BARX1: variants seen among roughly 807,000 people sequenced by gnomAD.
The protein encoded by BARX1 is homeobox protein BarH-like 1.
A neutral mutation model predicts 19.6 loss-of-function variants in BARX1; 10 were observed. That is an observed-to-expected ratio of 0.51 (90% CI 0.31 to 0.86). The LOEUF (loss-of-function observed/expected upper bound fraction) is 0.86. BARX1 is among the 40% of genes least tolerant of loss of function. The pLI, the probability that BARX1 is intolerant of heterozygous loss-of-function variation, is 0.04. For synonymous variants in BARX1, 177 were observed against 170.0 expected (o/e 1.04, Z -0.32); for missense variants, 309 against 360.4 (o/e 0.86, Z 1.15).
Position 93,955,201 on chromosome 9 carries a change from C to T in BARX1, c.-55G>A, listed in dbSNP as rs2118190942. 1 of 901,404 alleles carries T rather than the reference C, an allele frequency of 1.1e-6. No homozygotes were observed. The highest frequency in any genetic ancestry group is 1.3e-6 in the Non-Finnish European group (1 of 755,810). The allele number at this position is 901,404 out of a possible 1,614,324, so 55.8% of individuals were successfully genotyped here. The stretch of plus-strand genomic sequence containing the variant: ...GGCGGCGGCGGCGGCGACGGCTTGG[C>T]TCCGGCGCGGGGCCCGCGCGGGGCT... On this transcript the variant is annotated 5_prime_UTR_variant, in exon 1 of 4. Transcript: ENST00000253968. The surrounding 1 kb of genome is among the most constrained non-coding windows in gnomAD (Gnocchi z 4.4).
Position 93,955,186 on chromosome 9 carries a change from G to GCGGCGA in BARX1, c.-46_-41dup, listed in dbSNP as rs1476565466. ...CTGCGCCCGCGGTTTGGCGGCGGCG[G>GCGGCGA]CGGCGACGGCTTGGCTCCGGCGCGG... On this transcript the variant is annotated 5_prime_UTR_variant, in exon 1 of 4. Coordinates refer to ENST00000253968, the MANE Select transcript of BARX1 (RefSeq NM_021570.4). This position sits in a 1 kb window ranked among gnomAD's most constrained non-coding sequence, Gnocchi z 4.4. The GCGGCGA allele has an allele frequency of 1.0e-6, 1 of 957,476 alleles. No homozygotes were observed. Among genetic ancestry groups the GCGGCGA allele is most frequent in the African/African-American group, 1.8e-5 (1 of 56,104 alleles). 59.3% of individuals were successfully genotyped at this position (957,476 alleles called of 1,614,324 possible).
In BARX1 at chr9:93,952,479, T is replaced by TGCCGCCTGGGGAGCGGC. The variant is rs1829114138; in HGVS notation, c.601-168_601-152dup. 7 of 1,295,524 alleles carry TGCCGCCTGGGGAGCGGC rather than the reference T, an allele frequency of 5.4e-6. No individual in the cohort carries two copies. In the South Asian group the frequency reaches 8.9e-5, roughly 17 times the overall value. The allele number at this position is 1,295,524 out of a possible 1,614,324, so 80.3% of individuals were successfully genotyped here. A position where few individuals can be genotyped will look rare whatever the true frequency, so the allele number is the denominator to read the frequency against. On this transcript the variant is annotated intron_variant, in intron 3 of 3. Transcript: ENST00000253968. ...GGGAAATGGCGGCCATTTGTCCAAA[T>TGCCGCCTGGGGAGCGGC]GCCGCCTGGGGAGCGGCCCGGCCTG...
intron 3 of BARX1, 38 bp downstream of exon 3, chr9:93,952,691 A>C (rs1338752012): frequency 2.5e-6 from 4 of 1,591,772 alleles, no homozygotes; most frequent in South Asian, 2.2e-5. Flanking sequence ...GGCATGGCCC[A>C]GGAAGCTGAG....
Position 93,953,011 on chromosome 9 carries a change from C to T in BARX1, c.400G>A (p.Glu134Lys). ...CCCTTCTTGGCTTTGGTGCCTGGCT[C>T]CCCAGGGCCTGCCGCCTCCAGCTTC... The part of the protein sequence containing the change: ...RGKLEAAGPG[E>K]PGTKAKKGRR... Residue 134 changes from glutamate to lysine, a missense_variant, in exon 2 of 4, where the codon GAG becomes AAG. By Grantham distance (56) the Glu-to-Lys change is moderately conservative (BLOSUM62 1). Transcript: ENST00000253968. The T allele has an allele frequency of 1.3e-6, 2 of 1,573,954 alleles. No individual in the cohort carries two copies. Among genetic ancestry groups the T allele is most frequent in the Non-Finnish European group, 1.7e-6 (2 of 1,160,304 alleles).
At chr9:93,952,857 C>T (rs371337284) in intron 2 of BARX1, 39 bp downstream of exon 2, 7 of 1,613,420 alleles carry the variant, frequency 4.3e-6, no homozygotes, top group Non-Finnish European at 5.9e-6. Context: ...AGTGACCACA[C>T]TCCCACAGCC....
Position 93,952,232 on chromosome 9 carries a change from G to T in BARX1, c.697C>A (p.Arg233Ser), listed in dbSNP as rs972503300. ...GCCGGTTTCTCTGCATCCTTGGCGCGCTCCTGCTCAGTAAGCTGCTCGCTC... is the reference window on the plus strand; with the variant it reads ...GCCGGTTTCTCTGCATCCTTGGCGCTCTCCTGCTCAGTAAGCTGCTCGCTC... ...PTSEQLTEQE[R>S]AKDAEKPAEV... Residue 233 changes from arginine (R) to serine (S), a missense_variant, in exon 4 of 4, where the codon CGC becomes AGC. Physicochemically the swap from Arg to Ser is moderately radical, Grantham distance 110. This residue lies in a region of BARX1 where 71 missense variants were observed against 80.4 expected (regional missense o/e 0.88). Coordinates refer to ENST00000253968, the MANE Select transcript of BARX1 (RefSeq NM_021570.4). The T allele has an allele frequency of 6.2e-7, 1 of 1,611,914 alleles. No homozygotes were observed. The highest frequency in any genetic ancestry group is 2.2e-5 in the East Asian group (1 of 44,858).
intron 3 of BARX1, 29 bp from the exon 4 acceptor site, chr9:93,952,357 G>T (rs201537011): frequency 1.3e-6 from 2 of 1,596,566 alleles, no homozygotes; most frequent in East Asian, 4.5e-5. Context: ...GCACCTGGGT[G>T]AGCCAGCACG....
Position 93,952,973 on chromosome 9 carries a change from G to A in BARX1, c.438C>T (p.Arg146=). The change falls in exon 2 of 4, where the codon CGC becomes CGT. Residue 146 remains arginine (R), a synonymous_variant. Transcript: ENST00000253968. Reference sequence around the variant, plus strand: ...TCAGCTGCAGCTCGGTGAACACAGTGCGGCTCCGACGCCCCTTCTTGGCTT... The same window carrying A: ...TCAGCTGCAGCTCGGTGAACACAGTACGGCTCCGACGCCCCTTCTTGGCTT... ...GTKAKKGRRS[R]TVFTELQLMG... is the part of the protein sequence containing the mutation. 4 of 1,569,878 alleles carry A rather than the reference G, an allele frequency of 2.5e-6. No individual in the cohort carries two copies. Among genetic ancestry groups the A allele is most frequent in the Non-Finnish European group, 3.5e-6 (4 of 1,157,712 alleles).
Position 93,953,162 on chromosome 9 carries a change from C to G in BARX1, c.249G>C (p.Ala83=). 6.5e-7 allele frequency: 1 copy of G among 1,527,686 alleles called. No individual in the cohort carries two copies. The highest frequency in any genetic ancestry group is 1.2e-5 in the South Asian group (1 of 81,380). 94.6% of individuals were successfully genotyped at this position (1,527,686 alleles called of 1,614,324 possible). ...HLAVLKAEQA[A]VFKFPLAPLG... ...GCGGCGCCAGTGGGAACTTGAACAC[C>G]GCCGCCTGCTCGGCCTTCAGCACGG... The change falls in exon 2 of 4, where the codon GCG becomes GCC. Residue 83 remains alanine, a synonymous_variant. Coordinates refer to ENST00000253968, the MANE Select transcript of BARX1 (RefSeq NM_021570.4).
At position 93,952,928 on chromosome 9, in the gene BARX1, G is replaced by A. The variant is rs751109837; in HGVS notation, c.483C>T (p.Phe161=). The change falls in exon 2 of 4, where the codon TTC becomes TTT. Residue 161 remains phenylalanine (F), a synonymous_variant. Coordinates refer to ENST00000253968, the MANE Select transcript of BARX1 (RefSeq NM_021570.4). ...GCGTGGAAAGGTACTTCTGCTTCTCGAAGCGTTTCTCCAGGCCCATCAGCT... is the reference window on the plus strand; with the variant it reads ...GCGTGGAAAGGTACTTCTGCTTCTCAAAGCGTTTCTCCAGGCCCATCAGCT... ...ELQLMGLEKR[F]EKQKYLSTPD... 1 of 1,582,028 alleles carries A rather than the reference G, an allele frequency of 6.3e-7. No individual in the cohort carries two copies. The highest frequency in any genetic ancestry group is 1.1e-5 in the South Asian group (1 of 87,396).
rs1284823073 is a variant in BARX1 at position 93,954,811 on chromosome 9, A to C, written c.223+113T>G. 24 of 728,972 alleles carry C rather than the reference A, an allele frequency of 3.3e-5. 1 individual carries two copies. In the East Asian group the frequency reaches 8.7e-4, roughly 26 times the overall value. The allele number at this position is 728,972 out of a possible 1,614,324, so 45.2% of individuals were successfully genotyped here. ...AGACGGTCCCAGAACCTGCGCTCCC[A>C]GAGCAGCTTCCCGGGGCTGCTTCGA... On this transcript the variant is annotated intron_variant, in intron 1 of 3. Transcript: ENST00000253968.
Position 93,953,017 on chromosome 9 carries a change from G to A in BARX1, c.394C>T (p.Pro132Ser), listed in dbSNP as rs1829120137. 1.3e-6 allele frequency: 2 copies of A among 1,573,990 alleles called. No homozygotes were observed. Among genetic ancestry groups the A allele is most frequent in the South Asian group, 2.3e-5 (2 of 86,436 alleles). ...QLRGKLEAAG[P>S]GEPGTKAKKG... ...TTGGCTTTGGTGCCTGGCTCCCCAG[G>A]GCCTGCCGCCTCCAGCTTCCCGCGG... The change falls in exon 2 of 4, where the codon CCT (proline) becomes TCT (serine). Residue 132 changes from proline to serine, a missense_variant. Pro to Ser is a moderately conservative substitution (Grantham distance 74). Around this residue, in one of 3 missense-constraint regions of BARX1, gnomAD observed 204 missense variants for 206.8 expected, o/e 0.99. Coordinates refer to ENST00000253968, the MANE Select transcript of BARX1 (RefSeq NM_021570.4).
At position 93,952,107 on chromosome 9, in the gene BARX1, C is replaced by T; in HGVS notation, c.*57G>A. The T allele has an allele frequency of 2.6e-6, 4 of 1,564,142 alleles. No homozygotes were observed. Among genetic ancestry groups the T allele is most frequent in the South Asian group, 1.1e-5 (1 of 87,622 alleles). ...GAAGGGCCGGCTCGCGGGTTTCCGC[C>T]GAGTGAGGGGGCTGCGGGTGGCGCG... On this transcript the variant is annotated 3_prime_UTR_variant, in exon 4 of 4. Transcript: ENST00000253968.
At position 93,955,230 on chromosome 9, in the gene BARX1, G is replaced by C; in HGVS notation, c.-84C>G. The stretch of plus-strand genomic sequence containing the variant: ...GGCGCGGGGCCCGCGCGGGGCTCTA[G>C]GCCGGCCCGCAGCTCGGGGCGGCGC... On this transcript the variant is annotated 5_prime_UTR_variant, in exon 1 of 4. Transcript: ENST00000253968. This position sits in a 1 kb window ranked among gnomAD's most constrained non-coding sequence, Gnocchi z 4.4. 1.6e-6 allele frequency: 1 copy of C among 624,654 alleles called. No homozygotes were observed. The highest frequency in any genetic ancestry group is 2.0e-6 in the Non-Finnish European group (1 of 504,074). 38.7% of individuals were successfully genotyped at this position (624,654 alleles called of 1,614,324 possible).
In BARX1 at chr9:93,952,107, C is replaced by A; in HGVS notation, c.*57G>T. The A allele has an allele frequency of 6.4e-7, 1 of 1,564,140 alleles. No homozygotes were observed. Among genetic ancestry groups the A allele is most frequent in the South Asian group, 1.1e-5 (1 of 87,622 alleles). ...GAAGGGCCGGCTCGCGGGTTTCCGC[C>A]GAGTGAGGGGGCTGCGGGTGGCGCG... On this transcript the variant is annotated 3_prime_UTR_variant, in exon 4 of 4. Coordinates refer to ENST00000253968, the MANE Select transcript of BARX1 (RefSeq NM_021570.4).
At chr9:93,952,678 C>T (rs374249420) in intron 3 of BARX1, 51 bp downstream of exon 3, 4 of 1,566,642 alleles carry the variant, frequency 2.6e-6, no homozygotes, top group African/African-American at 2.7e-5. Context: ...CTGCATGCAC[C>T]GGGGCATGGC....
chr9:93,954,958 C>A lies in BARX1; in HGVS notation c.189G>T (p.Ala63=). The A allele has an allele frequency of 7.3e-7, 1 of 1,378,434 alleles. No individual in the cohort carries two copies. Among genetic ancestry groups the A allele is most frequent in the Non-Finnish European group, 9.3e-7 (1 of 1,072,266 alleles). The allele number at this position is 1,378,434 out of a possible 1,614,324, so 85.4% of individuals were successfully genotyped here. A position where few individuals can be genotyped will look rare whatever the true frequency, so the allele number is the denominator to read the frequency against. ...TGTGGAAGGGCCGCGCCGCCAGCAG[C>A]GCCTGCACGCCGAACTTCAGCAGCT... ...AGELLKFGVQ[A]LLAARPFHSH... is the part of the protein sequence containing the mutation. The change falls in exon 1 of 4, where the codon GCG becomes GCT. Residue 63 remains alanine, a synonymous_variant. Coordinates refer to ENST00000253968, the MANE Select transcript of BARX1 (RefSeq NM_021570.4).
intron 3 of BARX1, 132 bp from the exon 4 acceptor site, chr9:93,952,460 TGGC>T: frequency 7.4e-7 from 1 of 1,348,208 alleles, no homozygotes; most frequent in Non-Finnish European, 9.9e-7. Flanking sequence ...TCCCGGGAAA[TGGC>T]GGCCATTTGT....
rs762009780 is a variant in BARX1, at chr9:93,952,348, C to G, written c.601-20G>C. 5 of 1,600,890 alleles carry G rather than the reference C, an allele frequency of 3.1e-6. No individual in the cohort carries two copies. Among genetic ancestry groups the G allele is most frequent in the Non-Finnish European group, 4.2e-6 (5 of 1,178,160 alleles). Reference sequence around the variant, plus strand: ...CAGCACCTGCACGGGGGACCGCCAGCACCTGGGTGAGCCAGCACGTGGACT... The same window carrying G: ...CAGCACCTGCACGGGGGACCGCCAGGACCTGGGTGAGCCAGCACGTGGACT... On this transcript the variant is annotated intron_variant, in intron 3 of 3. Transcript: ENST00000253968.
Sources: allele counts gnomAD v4.1 joint callset, GRCh38; gene constraint gnomAD v4.1.1; regional missense constraint gnomAD v4.1.1; non-coding constraint Gnocchi (gnomAD v3.1); transcripts MANE v1.5; gene names NCBI Gene and HGNC (gene_info 2026-07-23, HGNC 2026-07-21).